The following ATP2B2 variants were observed in gnomAD, a reference collection of about 807,000 sequenced individuals.
ATP2B2 encodes the protein ATPase plasma membrane Ca2+ transporting 2.
Under a neutral mutation model 120.0 loss-of-function variants are expected in ATP2B2, and 15 were observed. That is an observed-to-expected ratio of 0.12 (90% CI 0.08 to 0.19). The LOEUF is 0.19. ATP2B2 is among the 10% of genes least tolerant of loss of function. The pLI is 1.00. For missense variants in ATP2B2, 1,045 were observed against 1,719.8 expected, an observed-to-expected ratio of 0.61 and a Z score of 6.94; for synonymous variants, 694 against 700.3, an observed-to-expected ratio of 0.99 and a Z score of 0.14.
At chr3:10,696,470 C>T (rs751786863) in intron 1 of ATP2B2, among the ~76,000 whole-genome samples, 6 of 152,162 alleles carry the variant, frequency 3.9e-5, no homozygotes, top group Non-Finnish European at 7.3e-5. Context: ...TGCTCTTCTG[C>T]CTCCTTTGGT....
intron 2 of ATP2B2, among the ~76,000 whole-genome samples, chr3:10,598,203 C>G (rs1207340476): frequency 6.6e-6 from 1 of 152,178 alleles, no homozygotes; most frequent in Admixed American, 6.5e-5. Context: ...GTAAATGAAG[C>G]TTGCTGCAGG....
chr3:10,655,791 T>C (rs753801805), intron 1 of ATP2B2, among the ~76,000 whole-genome samples: 2 of 152,180 alleles, frequency 1.3e-5, no homozygotes, highest in Non-Finnish European at 2.9e-5. Flanking sequence ...GACTCAAAAT[T>C]TGCTTTCAGG....
At chr3:10,675,248 C>T (rs2071211632) in intron 1 of ATP2B2, among the ~76,000 whole-genome samples, 2 of 152,202 alleles carry the variant, frequency 1.3e-5, no homozygotes, top group Admixed American at 6.5e-5. Context: ...CATTCCAGAA[C>T]GCCCACTTTG....
chr3:10,603,252 G>A (rs1460608740), intron 2 of ATP2B2, among the ~76,000 whole-genome samples: 1 of 152,198 alleles, frequency 6.6e-6, no homozygotes, highest in African/African-American at 2.4e-5. Flanking sequence ...ATGAGCCGAT[G>A]CCTCTAAAAT....
In ATP2B2 at chr3:10,340,662, AG is replaced by A; in HGVS notation, c.2959del (p.Leu987CysfsTer18). The A allele has an allele frequency of 6.2e-7, 1 of 1,614,222 alleles. No homozygotes were observed. On this transcript the variant is annotated frameshift_variant, in exon 20 of 23. Transcript: ENST00000360273. LOFTEE classifies it high-confidence loss of function. The surrounding 1 kb of genome is among the most constrained non-coding windows in gnomAD (Gnocchi z 5.0). ...GTAATGTTCTGAGGGTGGCGAATGCAGGGGCGCGTTCCTCCCGCTGTCGATC... is the reference window on the plus strand; with the variant it reads ...GTAATGTTCTGAGGGTGGCGAATGCAGGGCGCGTTCCTCCCGCTGTCGATC... ...FQIDSGRNAP[L>X]HSPPSEHYTI...
intron 2 of ATP2B2, among the ~76,000 whole-genome samples, chr3:10,557,801 C>A (rs1251033082): frequency 6.6e-6 from 1 of 152,178 alleles, no homozygotes; most frequent in African/African-American, 2.4e-5. Context: ...TGTGAGCCTG[C>A]AGTCCATGCT....
intron 17 of ATP2B2, 33 bp downstream of exon 17, chr3:10,345,998 C>T (rs985266097): frequency 1.3e-6 from 2 of 1,588,904 alleles, no homozygotes; most frequent in Non-Finnish European, 1.7e-6. Flanking sequence ...CCCCAGCCCC[C>T]ACCACCCCAG....
rs545643231 is a variant in ATP2B2 at position 10,589,476 on chromosome 3, G to A, written c.-415+30441C>T. ...GGAAGAGATGAGCCTGTTGCCAAAC[G>A]CAGTTCCGCTGCGATGCAAGTATAT... On this transcript the variant is annotated intron_variant, in intron 2 of 21. Transcript: ENST00000646379. Among the ~76,000 whole-genome samples, 11 of 152,338 alleles carry A rather than the reference G, an allele frequency of 7.2e-5. No individual in the cohort carries two copies. In the South Asian group the frequency reaches 8.3e-4, roughly 11 times the overall value.
In ATP2B2 at chr3:10,635,618, A is replaced by G. The variant is rs987911; in HGVS notation, c.-459-15657T>C. Among the ~76,000 whole-genome samples the G allele has an allele frequency of 0.015, 2,227 of 152,240 alleles. 44 individuals carry two copies. Among genetic ancestry groups the G allele is most frequent in the African/African-American group, 0.05 (2,093 of 41,546 alleles). On this transcript the variant is annotated intron_variant, in intron 1 of 21. Transcript: ENST00000646379. The surrounding 1 kb of genome is among the most constrained non-coding windows in gnomAD (Gnocchi z 4.3). Reference sequence around the variant, plus strand: ...GAATGATCTGCCACAATTTGGCCCTAGTGGAAAATTCCACTAGCACCTCCC... The same window carrying G: ...GAATGATCTGCCACAATTTGGCCCTGGTGGAAAATTCCACTAGCACCTCCC...
At chr3:10,612,854 A>T (rs9858042) in intron 2 of ATP2B2, among the ~76,000 whole-genome samples, 4 of 152,074 alleles carry the variant, frequency 2.6e-5, no homozygotes, top group African/African-American at 9.7e-5. Context: ...ACAGGCTTTC[A>T]TCCCTGGTTC....
intron 7 of ATP2B2, among the ~76,000 whole-genome samples, chr3:10,386,069 T>C (rs1244113952): frequency 6.6e-6 from 1 of 152,148 alleles, no homozygotes; most frequent in Non-Finnish European, 1.5e-5. Flanking sequence ...GGGAATAGTG[T>C]TCTATGGGCA....
intron 2 of ATP2B2, among the ~76,000 whole-genome samples, chr3:10,616,192 T>C (rs6809504): frequency 0.6 from 91,123 of 152,060 alleles, 27,883 homozygotes; most frequent in Middle Eastern, 0.64. Context: ...TCCTAACACC[T>C]GCCACTTCAG....
intron 2 of ATP2B2, among the ~76,000 whole-genome samples, chr3:10,537,452 A>G (rs4684710): frequency 0.018 from 2,692 of 152,260 alleles, 44 homozygotes; most frequent in Admixed American, 0.038. Context: ...AGTGATTGTA[A>G]ATGGCATTGT....
At position 10,325,091 on chromosome 3, in the gene ATP2B2, C is replaced by G. The variant is rs774123948; in HGVS notation, c.*3723G>C. 2.6e-5 allele frequency: 4 copies of G among 152,150 alleles called. No homozygotes were observed. Among genetic ancestry groups the G allele is most frequent in the Non-Finnish European group, 5.9e-5 (4 of 68,046 alleles). The allele number at this position is 152,150 out of a possible 1,614,324, so 9.4% of individuals were successfully genotyped here. ...AGGAACAGCAGGCTTCTCTCAAGAT[C>G]AGGATGCCCTTTTTGTCCCTCTTTA... On this transcript the variant is annotated 3_prime_UTR_variant, in exon 23 of 23. Transcript: ENST00000360273.
chr3:10,360,767 T>C (rs2060874133), intron 12 of ATP2B2, among the ~76,000 whole-genome samples: 1 of 152,228 alleles, frequency 6.6e-6, no homozygotes, highest in Admixed American at 6.5e-5. Flanking sequence ...TCACCGGCTT[T>C]ACATGAGCTT....
chr3:10,702,900 G>T (rs1258932904), intron 1 of ATP2B2, among the ~76,000 whole-genome samples: 3 of 152,116 alleles, frequency 2.0e-5, no homozygotes, highest in Non-Finnish European at 4.4e-5. Flanking sequence ...GGAGGCTTGT[G>T]CATTCCCCCA....
chr3:10,331,723 T>C (rs1267476839), intron 22 of ATP2B2, among the ~76,000 whole-genome samples: 1 of 151,266 alleles, frequency 6.6e-6, no homozygotes, highest in Non-Finnish European at 1.5e-5. Context: ...TTTTTTTTTT[T>C]TTGGCATAAG....
At chr3:10,513,366 G>A (rs182588315) in intron 3 of ATP2B2, among the ~76,000 whole-genome samples, 2 of 152,244 alleles carry the variant, frequency 1.3e-5, no homozygotes, top group East Asian at 1.9e-4. Flanking sequence ...AAGGAGGCCC[G>A]GATGGCTGGG....
rs564683925 is a variant in ATP2B2, at chr3:10,678,765, G to T, written c.-460+29150C>A. 2.0e-5 allele frequency among the ~76,000 whole-genome samples: 3 copies of T among 152,290 alleles called. No homozygotes were observed. In the East Asian group the frequency reaches 5.8e-4, roughly 29 times the overall value. Reference sequence around the variant, plus strand: ...GGGATAATAATAGTACCAATCTGTGGTAGGTAGAATTCTAAATCATCCCCC... The same window carrying T: ...GGGATAATAATAGTACCAATCTGTGTTAGGTAGAATTCTAAATCATCCCCC... On this transcript the variant is annotated intron_variant, in intron 1 of 21. Transcript: ENST00000646379.
Sources: gnomAD v4.1 joint callset for allele counts (sites outside exome capture counted in the v4.1 genomes callset) on GRCh38, gnomAD v4.1.1 for gene constraint, Gnocchi (gnomAD v3.1) non-coding constraint, MANE v1.5 for transcripts, NCBI Gene and HGNC (gene_info 2026-07-23, HGNC 2026-07-21) for gene names.